UBE2F: variants seen among roughly 807,000 people sequenced by gnomAD.
The protein encoded by UBE2F is ubiquitin conjugating enzyme E2 F (putative).
A neutral mutation model predicts 29.6 loss-of-function variants in UBE2F; 5 were observed. The observed-to-expected ratio is 0.17, with a 90% CI of 0.09 to 0.36. UBE2F has a LOEUF of 0.36. UBE2F is among the 10% of genes least tolerant of loss of function. UBE2F has a pLI of 1.00. For synonymous variants in UBE2F, 66 were observed against 81.8 expected (o/e 0.81, Z 1.04); for missense variants, 141 against 228.5 (o/e 0.62, Z 2.47).
chr2:238,034,969 T>C (rs193249798), intron 8 of UBE2F, among the ~76,000 whole-genome samples: 2 of 152,300 alleles, frequency 1.3e-5, no homozygotes, highest in African/African-American at 4.8e-5. Context: ...CTTGGCTCAC[T>C]GCAACCTCTG....
chr2:238,023,942 A>C (rs896273163), intron 5 of UBE2F, among the ~76,000 whole-genome samples: 1 of 152,112 alleles, frequency 6.6e-6, no homozygotes, highest in African/African-American at 2.4e-5. Flanking sequence ...CCCTGCATTG[A>C]TAGAGCAGGG....
chr2:238,025,212 G>A, intron 5 of UBE2F, 130 bp from the exon 6 acceptor site: 1 of 755,190 alleles, frequency 1.3e-6, no homozygotes, highest in African/African-American at 1.7e-5. Flanking sequence ...CACGTGTTCA[G>A]CGAGTCAAAC....
chr2:237,984,746 G>A (rs1488399188), intron 2 of UBE2F, among the ~76,000 whole-genome samples: 1 of 152,074 alleles, frequency 6.6e-6, no homozygotes, highest in African/African-American at 2.4e-5. Flanking sequence ...GCTGTTTATT[G>A]TAAATATTTA....
chr2:238,024,407 G>A (rs1163490402), intron 5 of UBE2F, among the ~76,000 whole-genome samples: 1 of 152,106 alleles, frequency 6.6e-6, no homozygotes, highest in Non-Finnish European at 1.5e-5. Flanking sequence ...GTACAATGGT[G>A]CGATCATAGC....
intron 6 of UBE2F, chr2:238,029,038 A>G (rs1191912258): frequency 6.6e-6 from 1 of 151,954 alleles, no homozygotes; most frequent in African/African-American, 2.4e-5. Context: ...TCCCAATTTG[A>G]GCATATGTGC....
intron 1 of UBE2F, among the ~76,000 whole-genome samples, chr2:237,968,464 T>G (rs1300950628): frequency 2.0e-5 from 3 of 152,170 alleles, no homozygotes; most frequent in Non-Finnish European, 4.4e-5. Context: ...CCCCTTTGGC[T>G]GGGGAAGTTG....
intron 2 of UBE2F, 111 bp from the exon 3 acceptor site, chr2:237,987,852 C>CTT (rs1553551928): frequency 4.4e-5 from 23 of 519,834 alleles, no homozygotes; most frequent in South Asian, 1.4e-4. Flanking sequence ...TCAGTTCATC[C>CTT]TTTTTTTTTT....
At chr2:237,980,631 G>C (rs1188218447) in intron 2 of UBE2F, among the ~76,000 whole-genome samples, 1 of 152,130 alleles carries the variant, frequency 6.6e-6, no homozygotes, top group African/African-American at 2.4e-5. Flanking sequence ...AGCGCCTTTG[G>C]AATGCCTCCT....
At chr2:237,986,228 C>A in intron 2 of UBE2F, 1 of 314,388 alleles carries the variant, frequency 3.2e-6, no homozygotes, top group Non-Finnish European at 6.2e-6. Flanking sequence ...CGGCTTACTG[C>A]AGCCTCGACT....
intron 4 of UBE2F, among the ~76,000 whole-genome samples, chr2:238,005,141 G>T (rs12620268): frequency 0.86 from 130,709 of 152,224 alleles, 56,272 homozygotes; most frequent in East Asian, 0.97. Flanking sequence ...GTTTGTGTTT[G>T]TTGTGTCCTA....
chr2:237,972,290 G>C (rs1233445235), intron 1 of UBE2F, among the ~76,000 whole-genome samples: 1 of 152,218 alleles, frequency 6.6e-6, no homozygotes, highest in Non-Finnish European at 1.5e-5. Flanking sequence ...ACCAGAGGCT[G>C]TGCTGCTTCA....
chr2:238,013,271 T>G (rs1576623541), intron 4 of UBE2F, among the ~76,000 whole-genome samples: 1 of 151,664 alleles, frequency 6.6e-6, no homozygotes. Flanking sequence ...AATAAATAAA[T>G]AATTTAAAAA....
At chr2:238,041,057 C>A (rs927264973) in intron 9 of UBE2F, among the ~76,000 whole-genome samples, 1 of 152,142 alleles carries the variant, frequency 6.6e-6, no homozygotes. Flanking sequence ...TCCACTCAGG[C>A]CTTCCACGTG....
At chr2:238,015,640 A>T (rs1415774289) in intron 4 of UBE2F, among the ~76,000 whole-genome samples, 4 of 152,218 alleles carry the variant, frequency 2.6e-5, no homozygotes, top group Non-Finnish European at 5.9e-5. Context: ...GCTGTTATGC[A>T]TTCATTTCAT....
intron 5 of UBE2F, among the ~76,000 whole-genome samples, chr2:238,018,153 C>T (rs1220238592): frequency 6.6e-6 from 1 of 152,272 alleles, no homozygotes; most frequent in African/African-American, 2.4e-5. Context: ...AACCTGGCGA[C>T]GGAGCACTGC....
chr2:237,971,889 C>T (rs905493059), intron 1 of UBE2F, among the ~76,000 whole-genome samples: 4 of 152,030 alleles, frequency 2.6e-5, no homozygotes, highest in African/African-American at 4.8e-5. Flanking sequence ...GGGCAGGGGG[C>T]GTATGGGAAA....
At position 237,991,597 on chromosome 2, in the gene UBE2F, T is replaced by TTTTC. The variant is rs796514062; in HGVS notation, c.149-3135_149-3132dup. On this transcript the variant is annotated intron_variant, in intron 3 of 9. Coordinates refer to ENST00000272930, the MANE Select transcript of UBE2F (RefSeq NM_080678.3). ...TTTTTAGAACTTAACCTTTCTTTTC[T>TTTTC]TTTCTTTCTTTCTTTTTTTTTTTTT... Among the ~76,000 whole-genome samples, 826 of 95,824 alleles carry TTTTC rather than the reference T, an allele frequency of 8.6e-3. 27 individuals carry two copies. The highest frequency in any genetic ancestry group is 0.028 in the Middle Eastern group (5 of 180). 62.9% of individuals were successfully genotyped at this position (95,824 alleles called of 152,430 possible).
rs1207828004 is a variant in UBE2F, at chr2:238,042,262, G to A, written c.*924G>A. ...AGCTGGGGTTGATGCTTTTGCAGTG[G>A]TCATGTGATTGTGACCTGGTAGCTA... On this transcript the variant is annotated 3_prime_UTR_variant, in exon 10 of 10. Coordinates refer to ENST00000272930, the MANE Select transcript of UBE2F (RefSeq NM_080678.3). 1 of 152,250 alleles carries A rather than the reference G, an allele frequency of 6.6e-6. No homozygotes were observed. The highest frequency in any genetic ancestry group is 1.5e-5 in the Non-Finnish European group (1 of 68,056). The allele number at this position is 152,250 out of a possible 1,614,324, so 9.4% of individuals were successfully genotyped here.
At chr2:238,032,955 G>A (rs1337260224) in intron 8 of UBE2F, among the ~76,000 whole-genome samples, 2 of 152,170 alleles carry the variant, frequency 1.3e-5, no homozygotes, top group African/African-American at 4.8e-5. Context: ...TGCTGAGGTG[G>A]CTGACCCCGG....
Sources: gnomAD v4.1 joint callset for allele counts (sites outside exome capture counted in the v4.1 genomes callset) on GRCh38, gnomAD v4.1.1 for gene constraint, MANE v1.5 for transcripts, NCBI Gene and HGNC (gene_info 2026-07-23, HGNC 2026-07-21) for gene names.